GPC6: variants seen among roughly 807,000 people sequenced by gnomAD.
GPC6 encodes glypican-6.
In GPC6, 14 loss-of-function variants were observed where a neutral mutation model predicts 55.2. The observed-to-expected ratio is 0.25, with a 90% CI of 0.17 to 0.40. GPC6 has a LOEUF of 0.40. Ranked by LOEUF, GPC6 falls within the 10% of genes least tolerant of loss-of-function variation. GPC6 has a pLI of 1.00. For synonymous variants in GPC6, 278 were observed against 259.6 expected (o/e 1.07, Z -0.68); for missense variants, 641 against 708.5 (o/e 0.90, Z 1.08).
At chr13:94,261,883 A>T (rs1486723259) in intron 4 of GPC6, among the ~76,000 whole-genome samples, 1 of 152,212 alleles carries the variant, frequency 6.6e-6, no homozygotes. Flanking sequence ...CAAGACCTGG[A>T]TGTAGGCTGT....
rs926616856 is a variant in GPC6, at chr13:94,355,269, C to T, written c.1153-27145C>T. 4.6e-5 allele frequency among the ~76,000 whole-genome samples: 7 copies of T among 151,778 alleles called. No individual in the cohort carries two copies. The East Asian group carries it at 1.2e-3, about 25-fold the overall frequency. ...AACTCCTGACCTCAAATGATCCTCC[C>T]GCGTCGGCCTCCCAAAGTGCTGGGA... is the stretch of plus-strand genomic sequence containing the variant. On this transcript the variant is annotated intron_variant, in intron 6 of 8. Transcript: ENST00000377047.
chr13:93,829,268 G>A (rs1887392467), intron 2 of GPC6, among the ~76,000 whole-genome samples: 1 of 152,112 alleles, frequency 6.6e-6, no homozygotes, highest in Non-Finnish European at 1.5e-5. Flanking sequence ...AAAAGGATAG[G>A]TGCCCTACAC....
intron 1 of GPC6, among the ~76,000 whole-genome samples, chr13:93,303,011 A>G (rs1329385999): frequency 6.6e-6 from 1 of 152,196 alleles, no homozygotes; most frequent in Non-Finnish European, 1.5e-5. Flanking sequence ...ACAAACAGCC[A>G]ACAAACTTAT....
At chr13:93,545,761 C>T (rs189945641) in intron 2 of GPC6, among the ~76,000 whole-genome samples, 127 of 152,088 alleles carry the variant, frequency 8.4e-4, no homozygotes, top group Non-Finnish European at 6.5e-4. Flanking sequence ...TGGGGATTCT[C>T]CTTAAAAAAT....
intron 4 of GPC6, among the ~76,000 whole-genome samples, chr13:94,126,969 C>T (rs1020766745): frequency 5.3e-5 from 8 of 151,990 alleles, no homozygotes; most frequent in Non-Finnish European, 8.8e-5. Flanking sequence ...ATATTTTATT[C>T]ACTTTTGATT....
intron 4 of GPC6, among the ~76,000 whole-genome samples, chr13:94,253,209 C>G (rs1186796536): frequency 6.6e-6 from 1 of 152,070 alleles, no homozygotes; most frequent in Non-Finnish European, 1.5e-5. Context: ...TTCCGATGCT[C>G]ACTAAATGAG....
chr13:94,212,452 T>G (rs995910729), intron 4 of GPC6, among the ~76,000 whole-genome samples: 1 of 152,208 alleles, frequency 6.6e-6, no homozygotes, highest in African/African-American at 2.4e-5. Context: ...ATTATCATCA[T>G]TGTTAATTAT....
intron 4 of GPC6, among the ~76,000 whole-genome samples, chr13:94,274,482 T>C (rs1332964811): frequency 6.6e-6 from 1 of 152,214 alleles, no homozygotes; most frequent in Non-Finnish European, 1.5e-5. Context: ...TTTCTATTGT[T>C]TACCTCATTC....
chr13:93,524,960 A>C (rs949920981), intron 1 of GPC6, among the ~76,000 whole-genome samples: 3 of 152,104 alleles, frequency 2.0e-5, no homozygotes, highest in Non-Finnish European at 4.4e-5. Flanking sequence ...ATTAGCAATT[A>C]AAAGTCACTA....
At chr13:93,469,285 G>C (rs1398890079) in intron 1 of GPC6, among the ~76,000 whole-genome samples, 1 of 151,882 alleles carries the variant, frequency 6.6e-6, no homozygotes, top group Non-Finnish European at 1.5e-5. Flanking sequence ...ACTTCAAGTG[G>C]TTTTTGTCAT....
chr13:93,869,710 G>T (rs1434933825), intron 3 of GPC6, among the ~76,000 whole-genome samples: 1 of 151,752 alleles, frequency 6.6e-6, no homozygotes, highest in Non-Finnish European at 1.5e-5. Context: ...ATTTTAAATG[G>T]TGAACCAATA....
intron 4 of GPC6, among the ~76,000 whole-genome samples, chr13:94,158,682 A>G (rs1035164984): frequency 2.0e-5 from 3 of 152,102 alleles, no homozygotes; most frequent in African/African-American, 7.2e-5. Flanking sequence ...GGGAGTGAAG[A>G]TAAACTCTGT....
chr13:94,146,310 AAG>A (rs1887561194), intron 4 of GPC6, among the ~76,000 whole-genome samples: 1 of 152,092 alleles, frequency 6.6e-6, no homozygotes. Context: ...TAGAAAATAA[AAG>A]AAAAAAAAAC....
At chr13:93,253,612 G>A (rs1043253512) in intron 1 of GPC6, among the ~76,000 whole-genome samples, 1 of 152,070 alleles carries the variant, frequency 6.6e-6, no homozygotes, top group African/African-American at 2.4e-5. Flanking sequence ...GGTGGGGGAT[G>A]AGAAGAAAAA....
In GPC6 at chr13:93,938,108, A is replaced by G. The variant is rs534415208; in HGVS notation, c.712-89621A>G. ...ACTCTTTAAGACAGTTTTCTTGGCA[A>G]TGCAAGTTTATTCTAAATGCTGATG... On this transcript the variant is annotated intron_variant, in intron 3 of 8. Coordinates refer to ENST00000377047, the MANE Select transcript of GPC6 (RefSeq NM_005708.5). Among the ~76,000 whole-genome samples, 7 of 152,320 alleles carry G rather than the reference A, an allele frequency of 4.6e-5. No individual in the cohort carries two copies. The South Asian group carries it at 1.2e-3, about 27-fold the overall frequency.
At chr13:93,949,091 G>A (rs1047246952) in intron 3 of GPC6, among the ~76,000 whole-genome samples, 2 of 152,044 alleles carry the variant, frequency 1.3e-5, no homozygotes, top group African/African-American at 4.8e-5. Context: ...GCGTTGTTGG[G>A]AACCTTCTAC....
In GPC6 at chr13:94,069,354, A is replaced by AT. The variant is rs1405145875; in HGVS notation, c.877+41467dup. On this transcript the variant is annotated intron_variant, in intron 4 of 8. Coordinates refer to ENST00000377047, the MANE Select transcript of GPC6 (RefSeq NM_005708.5). ...GACCCTGGACCTGGCCCATAAAACC[A>AT]TTTTTTTCTCCTAAACCTTTGGGCC... Among the ~76,000 whole-genome samples the AT allele has an allele frequency of 2.6e-5, 4 of 151,496 alleles. No individual in the cohort carries two copies. In the East Asian group the frequency reaches 5.8e-4, roughly 22 times the overall value.
At chr13:93,278,808 G>T (rs1026794727) in intron 1 of GPC6, among the ~76,000 whole-genome samples, 2 of 152,080 alleles carry the variant, frequency 1.3e-5, no homozygotes, top group African/African-American at 2.4e-5. Context: ...TTATATGCGG[G>T]ATTCATGCTA....
intron 2 of GPC6, among the ~76,000 whole-genome samples, chr13:93,647,541 C>T (rs1880224287): frequency 6.6e-6 from 1 of 152,116 alleles, no homozygotes; most frequent in Admixed American, 6.6e-5. Context: ...AGCCTCGATG[C>T]TGAGGCCTGC....
Sources: allele counts gnomAD v4.1 joint callset (sites outside exome capture counted in the v4.1 genomes callset), GRCh38; gene constraint gnomAD v4.1.1; transcripts MANE v1.5; gene names NCBI Gene and HGNC (gene_info 2026-07-23, HGNC 2026-07-21).